Variants in SEMA3E observed in about 807,000 individuals in gnomAD.
The protein encoded by SEMA3E is semaphorin-3E.
SEMA3E carries 49 observed loss-of-function variants against 93.6 expected under a neutral mutation model. The ratio of observed to expected loss-of-function variants is 0.52; its 90% CI spans 0.42 to 0.66. SEMA3E has a LOEUF of 0.66. SEMA3E is among the 30% of genes least tolerant of loss of function. SEMA3E has a pLI of 0.00. For synonymous variants in SEMA3E, 363 were observed against 330.7 expected (o/e 1.10, Z -1.06); for missense variants, 906 against 964.8 (o/e 0.94, Z 0.81).
At chr7:83,372,300 A>G in intron 16 of SEMA3E, 1 of 398,106 alleles carries the variant, frequency 2.5e-6, no homozygotes, top group Non-Finnish European at 4.4e-6. Context: ...GAAAAAAAAA[A>G]TGCATACAAA....
intron 16 of SEMA3E, among the ~76,000 whole-genome samples, chr7:83,383,590 CCAAATATCAG>C (rs1787822933): frequency 6.6e-6 from 1 of 151,648 alleles, no homozygotes; most frequent in Admixed American, 6.6e-5. Flanking sequence ...AATTCAAAGT[CCAAATATCAG>C]CAAATACATT....
At chr7:83,462,965 T>A (rs1189254659) in intron 4 of SEMA3E, among the ~76,000 whole-genome samples, 1 of 110,480 alleles carries the variant, frequency 9.1e-6, no homozygotes, top group Admixed American at 1.1e-4. Flanking sequence ...TCTCTTCACT[T>A]TCACTTGGAC....
At chr7:83,568,715 T>C (rs1792213216) in intron 1 of SEMA3E, among the ~76,000 whole-genome samples, 1 of 152,046 alleles carries the variant, frequency 6.6e-6, no homozygotes, top group Non-Finnish European at 1.5e-5. Flanking sequence ...AAAGAAGAAA[T>C]ATGCCTCAAC....
intron 1 of SEMA3E, among the ~76,000 whole-genome samples, chr7:83,563,781 T>C (rs548253950): frequency 6.6e-6 from 1 of 152,296 alleles, no homozygotes; most frequent in Non-Finnish European, 1.5e-5. Flanking sequence ...TCCTCTCCAT[T>C]TAGCCTTCCT....
chr7:83,612,536 CTG>C (rs1454864131), intron 1 of SEMA3E: 1 of 152,126 alleles, frequency 6.6e-6, no homozygotes, highest in African/African-American at 2.4e-5. Flanking sequence ...CAGAATTTGA[CTG>C]TGTTTTCAAT....
rs1013180685 is a variant in SEMA3E, at chr7:83,363,988, G to A, written c.*3598C>T. 7.1e-6 allele frequency: 1 copy of A among 141,108 alleles called. No homozygotes were observed. The highest frequency in any genetic ancestry group is 2.6e-5 in the African/African-American group (1 of 38,558). 8.7% of individuals were successfully genotyped at this position (141,108 alleles called of 1,614,324 possible). On this transcript the variant is annotated 3_prime_UTR_variant, in exon 17 of 17. Transcript: ENST00000643230. ...CGGCTCACTGCAAGCTCCGCTTCCCGGGTTCACGCCATTCTCCTGCCTCAG... is the reference window on the plus strand; with the variant it reads ...CGGCTCACTGCAAGCTCCGCTTCCCAGGTTCACGCCATTCTCCTGCCTCAG...
intron 5 of SEMA3E, among the ~76,000 whole-genome samples, chr7:83,411,403 T>G (rs1788436872): frequency 6.6e-6 from 1 of 152,108 alleles, no homozygotes; most frequent in Non-Finnish European, 1.5e-5. Flanking sequence ...AACAAATGTG[T>G]TTCTGTTGGA....
At chr7:83,617,696 G>C (rs1793410548) in intron 1 of SEMA3E, among the ~76,000 whole-genome samples, 1 of 148,800 alleles carries the variant, frequency 6.7e-6, no homozygotes, top group Non-Finnish European at 1.5e-5. Flanking sequence ...TTATGAAGGA[G>C]GAAATTGTAA....
chr7:83,550,460 G>A (rs1044575394), intron 1 of SEMA3E, among the ~76,000 whole-genome samples: 2 of 152,034 alleles, frequency 1.3e-5, no homozygotes, highest in African/African-American at 4.8e-5. Context: ...GGGGAAATTA[G>A]GGTTGTTGCT....
At chr7:83,643,237 C>T (rs989941667) in intron 1 of SEMA3E, among the ~76,000 whole-genome samples, 1 of 151,924 alleles carries the variant, frequency 6.6e-6, no homozygotes, top group African/African-American at 2.4e-5. Context: ...CAAATCTGAC[C>T]TGGATAGCAA....
At chr7:83,491,825 A>G (rs1331443717) in intron 1 of SEMA3E, among the ~76,000 whole-genome samples, 1 of 152,016 alleles carries the variant, frequency 6.6e-6, no homozygotes, top group Non-Finnish European at 1.5e-5. Flanking sequence ...AGAAAATAGT[A>G]TGAAAAATTA....
chr7:83,492,091 G>T (rs1790396488), intron 1 of SEMA3E, among the ~76,000 whole-genome samples: 1 of 152,002 alleles, frequency 6.6e-6, no homozygotes, highest in South Asian at 2.1e-4. Context: ...CAGTTTTAAT[G>T]CACAGTGAAA....
intron 16 of SEMA3E, among the ~76,000 whole-genome samples, chr7:83,377,748 TAC>T (rs929785934): frequency 1.5e-4 from 23 of 152,168 alleles, no homozygotes; most frequent in African/African-American, 5.5e-4. Context: ...TAACTGAAAT[TAC>T]ACACAATCAC....
chr7:83,417,589 C>A lies in SEMA3E; in HGVS notation c.550+801G>T, dbSNP rs192636230. On this transcript the variant is annotated intron_variant, in intron 5 of 16. Transcript: ENST00000643230. The stretch of plus-strand genomic sequence containing the variant: ...CCATACATGCATCAGAATCTCTCAA[C>A]GCTGAGGGAAGAAAATCACTTCCAT... 9.1e-4 allele frequency among the ~76,000 whole-genome samples: 138 copies of A among 152,192 alleles called. 1 individual carries two copies. In the Middle Eastern group the frequency reaches 0.01, roughly 11 times the overall value.
intron 1 of SEMA3E, among the ~76,000 whole-genome samples, chr7:83,535,229 C>T (rs981114849): frequency 1.3e-5 from 2 of 152,126 alleles, no homozygotes; most frequent in East Asian, 1.9e-4. Context: ...ACTAGGTTCA[C>T]TGGACCATTT....
chr7:83,433,273 T>C (rs1385283799), intron 4 of SEMA3E, among the ~76,000 whole-genome samples: 3 of 152,092 alleles, frequency 2.0e-5, no homozygotes, highest in African/African-American at 7.2e-5. Flanking sequence ...AAATGTAATA[T>C]ATATATTTGG....
At chr7:83,372,383 A>G in intron 16 of SEMA3E, 1 of 397,148 alleles carries the variant, frequency 2.5e-6, no homozygotes, top group Non-Finnish European at 4.4e-6. Flanking sequence ...ATGAGAAAAT[A>G]TTAAAGTGAT....
chr7:83,500,936 G>A (rs1478204045), intron 1 of SEMA3E, among the ~76,000 whole-genome samples: 1 of 152,002 alleles, frequency 6.6e-6, no homozygotes, highest in East Asian at 1.9e-4. Context: ...ATTGTCTGTG[G>A]TAACAAAGCT....
chr7:83,368,092 A>C, intron 16 of SEMA3E, 54 bp from the exon 17 acceptor site: 2 of 1,493,482 alleles, frequency 1.3e-6, no homozygotes, highest in Non-Finnish European at 1.9e-6. Flanking sequence ...GAAAATAACA[A>C]TCCATCACCC....
Sources: allele counts gnomAD v4.1 joint callset (sites outside exome capture counted in the v4.1 genomes callset), GRCh38; gene constraint gnomAD v4.1.1; transcripts MANE v1.5; gene names NCBI Gene and HGNC (gene_info 2026-07-23, HGNC 2026-07-21).